KYAT3: variants seen among roughly 807,000 people sequenced by gnomAD.
KYAT3 encodes kynurenine--oxoglutarate transaminase 3.
Under a neutral mutation model 59.0 loss-of-function variants are expected in KYAT3, and 50 were observed. The observed-to-expected ratio is 0.85, with a 90% CI of 0.68 to 1.07. The LOEUF is 1.07. Among genes scored for constraint, KYAT3 ranks in the 50% least tolerant of loss-of-function variants. The probability of loss-of-function intolerance (pLI) is 0.00; values close to 1 mark genes in which losing one functional copy is unlikely to be tolerated. For synonymous variants in KYAT3, 148 were observed against 177.0 expected (o/e 0.84, Z 1.30); for missense variants, 497 against 533.3 (o/e 0.93, Z 0.67).
At chr1:88,953,704 G>A (rs1188674808) in intron 9 of KYAT3, among the ~76,000 whole-genome samples, 1 of 152,062 alleles carries the variant, frequency 6.6e-6, no homozygotes, top group Non-Finnish European at 1.5e-5. Context: ...TAAACAGCCG[G>A]CGATCATTAT....
At chr1:88,922,206 T>C in the KYAT3 span, among the ~76,000 whole-genome samples, 2 of 151,996 alleles carry the variant, frequency 1.3e-5, no homozygotes, top group Admixed American at 6.6e-5. Context: ...AGTGACAGAA[T>C]GAGGCCCCCT....
chr1:88,928,988 G>A, the KYAT3 span, among the ~76,000 whole-genome samples: 1,411 of 152,168 alleles, frequency 9.3e-3, 23 homozygotes, highest in African/African-American at 0.031. Context: ...CTGAACATAG[G>A]AGAAGGAACA....
chr1:88,966,435 G>T (rs1301134776), intron 4 of KYAT3, among the ~76,000 whole-genome samples: 1 of 151,984 alleles, frequency 6.6e-6, no homozygotes, highest in African/African-American at 2.4e-5. Flanking sequence ...TACAGATCTT[G>T]GATATATTTT....
Position 88,962,164 on chromosome 1 carries a change from A to G in KYAT3, c.454-19T>C. ...GTATGACCTGCAATAAAAGCAAATA[A>G]GATCACAACCTGTCAATCATTTATT... On this transcript the variant is annotated intron_variant, in intron 5 of 13. Coordinates refer to ENST00000260508, the MANE Select transcript of KYAT3 (RefSeq NM_001008661.3). 2 of 1,528,260 alleles carry G rather than the reference A, an allele frequency of 1.3e-6. No individual in the cohort carries two copies. Among genetic ancestry groups the G allele is most frequent in the South Asian group, 1.1e-5 (1 of 89,300 alleles). 94.7% of individuals were successfully genotyped at this position (1,528,260 alleles called of 1,614,324 possible).
At chr1:88,975,129 G>A (rs929985760) in intron 2 of KYAT3, among the ~76,000 whole-genome samples, 1 of 152,110 alleles carries the variant, frequency 6.6e-6, no homozygotes, top group Non-Finnish European at 1.5e-5. Flanking sequence ...GCGAGACCAC[G>A]AACCCACTGG....
At chr1:88,968,851 A>G (rs200517365) in intron 3 of KYAT3, 37 bp from the exon 4 acceptor site, 1 of 1,484,942 alleles carries the variant, frequency 6.7e-7, no homozygotes, top group East Asian at 2.5e-5. Flanking sequence ...AATAAGTTCT[A>G]CAATTATAAA....
In KYAT3 at chr1:88,942,987, A is replaced by G. The variant is rs781401269; in HGVS notation, c.1302+18T>C. On this transcript the variant is annotated intron_variant, in intron 13 of 13. Coordinates refer to ENST00000260508, the MANE Select transcript of KYAT3 (RefSeq NM_001008661.3). ...TGAAGATACTATATATGTGTTTTCA[A>G]TAGAGCAGGGAACTTACTTTAATGA... 3 of 1,544,566 alleles carry G rather than the reference A, an allele frequency of 1.9e-6. No individual in the cohort carries two copies. The highest frequency in any genetic ancestry group is 1.4e-5 in the African/African-American group (1 of 73,484).
intron 10 of KYAT3, among the ~76,000 whole-genome samples, chr1:88,950,521 C>T (rs1289096796): frequency 1.3e-5 from 2 of 150,784 alleles, no homozygotes; most frequent in Non-Finnish European, 3.0e-5. Context: ...CTCTTGGCAA[C>T]TTGTTCATTT....
intron 6 of KYAT3, among the ~76,000 whole-genome samples, 157 bp from the exon 7 acceptor site, chr1:88,961,663 A>G (rs1011509745): frequency 6.6e-6 from 1 of 152,238 alleles, no homozygotes; most frequent in South Asian, 2.1e-4. Flanking sequence ...AGGAACAGAA[A>G]AAAAACTAGA....
intron 5 of KYAT3, among the ~76,000 whole-genome samples, chr1:88,962,350 A>G (rs1208337985): frequency 6.6e-6 from 1 of 152,168 alleles, no homozygotes; most frequent in Non-Finnish European, 1.5e-5. Flanking sequence ...ACTCCTTGGT[A>G]TCTTAGGGAG....
rs202106005 is a variant in KYAT3 at position 88,968,819 on chromosome 1, G to A, written c.159-5C>T. The A allele has an allele frequency of 1.3e-6, 2 of 1,568,628 alleles. No individual in the cohort carries two copies. Among genetic ancestry groups the A allele is most frequent in the South Asian group, 1.2e-5 (1 of 81,346 alleles). ...GCCAATTTGGTAAATTCAATCCTAA[G>A]ATTGAAAAAAATACTAATATTAATA... On this transcript the variant is annotated splice_region_variant and splice_polypyrimidine_tract_variant and intron_variant, in intron 3 of 13. Transcript: ENST00000260508.
Position 88,991,613 on chromosome 1 carries a change from G to C in KYAT3, c.-2+972C>G, listed in dbSNP as rs563672914. Among the ~76,000 whole-genome samples the C allele has an allele frequency of 5.3e-4, 80 of 152,342 alleles. 1 individual carries two copies. The highest frequency in any genetic ancestry group is 3.4e-3 in the Middle Eastern group (1 of 294). ...CTTCAAAGCCACGTCTTTAGAACAA[G>C]AGCGGAAAGAATTAGCCAAAGTTGG... On this transcript the variant is annotated intron_variant, in intron 1 of 13. Transcript: ENST00000260508.
chr1:88,929,113 G>GCCT, the KYAT3 span, among the ~76,000 whole-genome samples: 3 of 151,924 alleles, frequency 2.0e-5, no homozygotes, highest in Non-Finnish European at 4.4e-5. Context: ...AAAGGAGCCC[G>GCCT]CCTCCTTTCC....
rs1342294936 is a variant in KYAT3, at chr1:88,949,203, T to C, written c.1029A>G (p.Pro343=). The C allele has an allele frequency of 3.1e-6, 5 of 1,610,492 alleles. No homozygotes were observed. The highest frequency in any genetic ancestry group is 4.2e-6 in the Non-Finnish European group (5 of 1,178,760). The part of the protein sequence containing the change: ...DDPECYFNSL[P]KELEVKRDRM... ...GATCTCTTTTTACTTCTAACTCTTT[T>C]GGCAAAGAATTAAAGTAACATTCTG... The change falls in exon 11 of 14, where the codon CCA becomes CCG. Residue 343 remains proline (P), a synonymous_variant. Coordinates refer to ENST00000260508, the MANE Select transcript of KYAT3 (RefSeq NM_001008661.3).
chr1:88,961,179 G>A lies in KYAT3; in HGVS notation c.775C>T (p.His259Tyr). 6.2e-7 allele frequency: 1 copy of A among 1,613,268 alleles called. No individual in the cohort carries two copies. The highest frequency in any genetic ancestry group is 8.5e-7 in the Non-Finnish European group (1 of 1,179,762). ...TTATAGTTGGTACCTATTTTTAAGT[G>A]CTTATTTCCAGAATATACAAGCCAT... is the stretch of plus-strand genomic sequence containing the variant. ...YEWLVYSGNKHLKIATFPGMW... is the reference protein window; with the variant it reads ...YEWLVYSGNKYLKIATFPGMW... The change falls in exon 8 of 14, where the codon CAC becomes TAC. Residue 259 changes from histidine (H) to tyrosine (Y), a missense_variant. This residue lies in a region of KYAT3 where 469 missense variants were observed against 479.1 expected (regional missense o/e 0.98). Coordinates refer to ENST00000260508, the MANE Select transcript of KYAT3 (RefSeq NM_001008661.3).
At chr1:88,987,510 T>C (rs12072254) in intron 2 of KYAT3, among the ~76,000 whole-genome samples, 11,301 of 152,216 alleles carry the variant, frequency 0.074, 1,407 homozygotes, top group African/African-American at 0.26. Flanking sequence ...ATTCAACCAG[T>C]TATGACAAAA....
intron 9 of KYAT3, among the ~76,000 whole-genome samples, chr1:88,953,473 G>C (rs1028632457): frequency 1.3e-5 from 2 of 150,682 alleles, no homozygotes; most frequent in African/African-American, 4.9e-5. Context: ...CTCAACCCAG[G>C]AGGCAGAGGT....
intron 13 of KYAT3, among the ~76,000 whole-genome samples, chr1:88,938,133 C>T (rs189509723): frequency 8.2e-4 from 124 of 152,110 alleles, no homozygotes; most frequent in Admixed American, 6.9e-3. Context: ...TGGGGGTGAT[C>T]GGAGCATCCT....
intron 2 of KYAT3, among the ~76,000 whole-genome samples, chr1:88,987,251 T>C (rs1677516037): frequency 1.3e-5 from 2 of 152,172 alleles, no homozygotes; most frequent in Admixed American, 6.5e-5. Context: ...AGTGCCATGG[T>C]TTCATATGTT....
Sources: allele counts gnomAD v4.1 joint callset (sites outside exome capture counted in the v4.1 genomes callset), GRCh38; gene constraint gnomAD v4.1.1; regional missense constraint gnomAD v4.1.1; transcripts MANE v1.5; gene names NCBI Gene and HGNC (gene_info 2026-07-23, HGNC 2026-07-21).